Variants in CAMSAP3 observed in about 807,000 individuals in gnomAD.
The protein encoded by CAMSAP3 is calmodulin-regulated spectrin-associated protein 3.
A neutral mutation model predicts 112.5 loss-of-function variants in CAMSAP3; 34 were observed. The observed-to-expected ratio is 0.30, with a 90% confidence interval of 0.23 to 0.40. CAMSAP3 has a LOEUF of 0.40. Among genes scored for constraint, CAMSAP3 ranks in the 10% least tolerant of loss-of-function variants. The probability of loss-of-function intolerance (pLI) is 1.00; values close to 1 mark genes in which losing one functional copy is unlikely to be tolerated. For synonymous variants in CAMSAP3, 868 were observed against 799.8 expected (o/e 1.09, Z -1.44); for missense variants, 1,602 against 1,770.3 (o/e 0.90, Z 1.71).
At chr19:7,599,630 A>C (rs1599339848) in intron 1 of CAMSAP3, among the ~76,000 whole-genome samples, 1 of 28,268 alleles carries the variant, frequency 3.5e-5, no homozygotes, top group Non-Finnish European at 6.6e-5. Context: ...CACCCACCCC[A>C]CTCATCCATC....
chr19:7,597,770 G>T (rs1413333911), intron 1 of CAMSAP3, among the ~76,000 whole-genome samples: 2 of 152,138 alleles, frequency 1.3e-5, no homozygotes, highest in African/African-American at 4.8e-5. Context: ...TTATCCCCTG[G>T]CCAGGAATCA....
intron 2 of CAMSAP3, 133 bp downstream of exon 2, chr19:7,605,612 C>A: frequency 9.5e-7 from 1 of 1,056,952 alleles, no homozygotes; most frequent in Non-Finnish European, 1.3e-6. Context: ...GTCGATTAAG[C>A]CTAGCTCCTC....
intron 14 of CAMSAP3, 87 bp downstream of exon 14, chr19:7,616,709 G>A (rs1482868294): frequency 1.7e-5 from 16 of 946,634 alleles, no homozygotes; most frequent in Non-Finnish European, 2.7e-5. Context: ...TGAACCTAGA[G>A]GGCGGTATGG....
Position 7,615,398 on chromosome 19 carries a change from C to G in CAMSAP3, c.2811-20C>G, listed in dbSNP as rs762768502. 1 of 1,538,482 alleles carries G rather than the reference C, an allele frequency of 6.5e-7. No individual in the cohort carries two copies. The highest frequency in any genetic ancestry group is 1.2e-5 in the South Asian group (1 of 83,380). On this transcript the variant is annotated intron_variant, in intron 12 of 16. Coordinates refer to ENST00000160298, the MANE Select transcript of CAMSAP3 (RefSeq NM_020902.2). This position sits in a 1 kb window ranked among gnomAD's most constrained non-coding sequence, Gnocchi z 6.5. Reference sequence around the variant, plus strand: ...CGGACCCCGTGAGCGGTTCTGATGCCGATTCCCTGTGATCTGCAGGCTGGC... The same window carrying G: ...CGGACCCCGTGAGCGGTTCTGATGCGGATTCCCTGTGATCTGCAGGCTGGC...
rs2030536466 is a variant in CAMSAP3, at chr19:7,612,276, G to A, written c.1783G>A (p.Ala595Thr). ...SPTSTPAPPE[A>T]LSSEMSELSA... ...CACGTCCACTCCGGCCCCGCCGGAG[G>A]CCCTGAGCTCGGAGATGAGTGAGCT... Residue 595 changes from alanine (A) to threonine (T), a missense_variant, in exon 11 of 17, where the codon GCC becomes ACC. Physicochemically the swap from Ala to Thr is moderately conservative, Grantham distance 58 (BLOSUM62 0). Around this residue, in one of 6 missense-constraint regions of CAMSAP3, gnomAD observed 1,100 missense variants for 1,135.7 expected, o/e 0.97. Transcript: ENST00000160298. 1.3e-6 allele frequency: 2 copies of A among 1,598,674 alleles called. No individual in the cohort carries two copies. Among genetic ancestry groups the A allele is most frequent in the Non-Finnish European group, 1.7e-6 (2 of 1,173,206 alleles).
intron 2 of CAMSAP3, among the ~76,000 whole-genome samples, chr19:7,605,971 C>A (rs1009662077): frequency 1.3e-5 from 2 of 152,172 alleles, no homozygotes; most frequent in African/African-American, 2.4e-5. Flanking sequence ...TCCCATCAAA[C>A]CCAGCTCCCC....
Position 7,611,203 on chromosome 19 carries a change from A to ACC in CAMSAP3, c.1123+41_1123+42dup. On this transcript the variant is annotated intron_variant, in intron 9 of 16. Coordinates refer to ENST00000160298, the MANE Select transcript of CAMSAP3 (RefSeq NM_020902.2). This position sits in a 1 kb window ranked among gnomAD's most constrained non-coding sequence, Gnocchi z 6.9. The stretch of plus-strand genomic sequence containing the variant: ...GGGTAGGTGGCTTCTGTCACGGGGG[A>ACC]CCCCCCCACTCACAGACTGCCCCAG... 2 of 1,600,636 alleles carry ACC rather than the reference A, an allele frequency of 1.2e-6. No individual in the cohort carries two copies. The highest frequency in any genetic ancestry group is 1.7e-6 in the Non-Finnish European group (2 of 1,170,290).
At chr19:7,601,403 C>T (rs1218962538) in intron 1 of CAMSAP3, among the ~76,000 whole-genome samples, 1 of 152,126 alleles carries the variant, frequency 6.6e-6, no homozygotes, top group Non-Finnish European at 1.5e-5. Flanking sequence ...ACCACAGCCT[C>T]CGTCTCCTGG....
chr19:7,596,861 G>A (rs569276512), intron 1 of CAMSAP3, among the ~76,000 whole-genome samples: 17 of 152,210 alleles, frequency 1.1e-4, no homozygotes, highest in African/African-American at 4.1e-4. Flanking sequence ...CGCTCCTCCC[G>A]GCTGCGGGGC....
Position 7,615,111 on chromosome 19 carries a change from G to C in CAMSAP3, c.2671-72G>C, listed in dbSNP as rs921829051. The C allele has an allele frequency of 2.0e-6, 3 of 1,533,802 alleles. No individual in the cohort carries two copies. The highest frequency in any genetic ancestry group is 2.6e-6 in the Non-Finnish European group (3 of 1,132,388). On this transcript the variant is annotated intron_variant, in intron 11 of 16. Transcript: ENST00000160298. This position sits in a 1 kb window ranked among gnomAD's most constrained non-coding sequence, Gnocchi z 6.5. ...GCACAGGTGGGTGGCGGGCAGGCTG[G>C]GTGGAGGGAAGATGGGCCTCCAGCC... is the stretch of plus-strand genomic sequence containing the variant.
chr19:7,596,206 TG>T lies in CAMSAP3; in HGVS notation c.148+65del, dbSNP rs539158902. 6.7e-3 allele frequency: 668 copies of T among 100,018 alleles called. 4 individuals carry two copies. Among genetic ancestry groups the T allele is most frequent in the African/African-American group, 0.032 (619 of 19,400 alleles). 6.2% of individuals were successfully genotyped at this position (100,018 alleles called of 1,614,324 possible). A position where few individuals can be genotyped will look rare whatever the true frequency, so the allele number is the denominator to read the frequency against. ...GCGGCGGGCCGGGCGCGGCAGGTGCTGGGGGGGGGCGGGGCGCCGGGCCGGG... is the reference window on the plus strand; with the variant it reads ...GCGGCGGGCCGGGCGCGGCAGGTGCTGGGGGGGGCGGGGCGCCGGGCCGGG... On this transcript the variant is annotated intron_variant, in intron 1 of 16. Coordinates refer to ENST00000160298, the MANE Select transcript of CAMSAP3 (RefSeq NM_020902.2).
intron 2 of CAMSAP3, among the ~76,000 whole-genome samples, chr19:7,605,773 C>T (rs192286076): frequency 3.2e-4 from 48 of 151,844 alleles, no homozygotes; most frequent in African/African-American, 1.2e-3. Context: ...GGCTCCTTCC[C>T]TTAAGCTATG....
chr19:7,610,733 A>G lies in CAMSAP3; in HGVS notation c.934A>G (p.Met312Val). The part of the protein sequence containing the change: ...NLVVMLAELF[M>V]CFEVLKPDFV... Reference sequence around the variant, plus strand: ...GGTGGTGATGCTGGCCGAGTTGTTCATGTGTTTTGAGGTGCTCAAGCCCGA... The same window carrying G: ...GGTGGTGATGCTGGCCGAGTTGTTCGTGTGTTTTGAGGTGCTCAAGCCCGA... Residue 312 changes from methionine to valine, a missense_variant, in exon 7 of 17, where the codon ATG (methionine) becomes GTG (valine). Met to Val is a conservative substitution (Grantham distance 21, BLOSUM62 1). This residue lies in a region of CAMSAP3 where 1,100 missense variants were observed against 1,135.7 expected (regional missense o/e 0.97). Transcript: ENST00000160298. The surrounding 1 kb of genome is among the most constrained non-coding windows in gnomAD (Gnocchi z 4.9). The G allele has an allele frequency of 6.2e-7, 1 of 1,613,680 alleles. No individual in the cohort carries two copies. The highest frequency in any genetic ancestry group is 8.5e-7 in the Non-Finnish European group (1 of 1,179,912).
At chr19:7,606,158 C>CG (rs1555758746) in intron 2 of CAMSAP3, 113 bp from the exon 3 acceptor site, 4 of 611,950 alleles carry the variant, frequency 6.5e-6, no homozygotes, top group Non-Finnish European at 1.1e-5. Flanking sequence ...CAAGCCCCAC[C>CG]CCCCCCGTCA....
At chr19:7,606,716 G>C (rs900826915) in intron 4 of CAMSAP3, 145 bp downstream of exon 4, 20 of 1,609,424 alleles carry the variant, frequency 1.2e-5, no homozygotes, top group Non-Finnish European at 1.6e-5. Context: ...CAATCTCTCT[G>C]TGCCCTGCCC....
intron 2 of CAMSAP3, 122 bp from the exon 3 acceptor site, chr19:7,606,149 A>ACCCCCCCCCCCCC: frequency 7.4e-6 from 1 of 135,318 alleles, no homozygotes; most frequent in Non-Finnish European, 1.4e-5. Context: ...CCGCCCCCTC[A>ACCCCCCCCCCCCC]AGCCCCACCC....
Position 7,608,228 on chromosome 19 carries a change from A to G in CAMSAP3, c.724A>G (p.Ile242Val), listed in dbSNP as rs778200163. ...LASGAALAAT[I>V]HCYCPQLLRL... ...CAGTGGGGCCGCGCTGGCCGCCACC[A>G]TCCACTGCTATTGTCCCCAGCTGCT... The change falls in exon 5 of 17, where the codon ATC (isoleucine) becomes GTC (valine). Residue 242 changes from isoleucine to valine, a missense_variant. This residue lies in a region of CAMSAP3 where 58 missense variants were observed against 108.4 expected (regional missense o/e 0.54). Coordinates refer to ENST00000160298, the MANE Select transcript of CAMSAP3 (RefSeq NM_020902.2). 2.7e-5 allele frequency: 44 copies of G among 1,612,692 alleles called. 1 individual carries two copies. In the Admixed American group the frequency reaches 3.8e-4, roughly 14 times the overall value.
Position 7,615,668 on chromosome 19 carries a change from G to A in CAMSAP3, c.3061G>A (p.Gly1021Ser). ...GCGGAGGGCCACCCGGCCTCGCTCG[G>A]GTTGCTGTGACGACTCAGCCCTGGC... ...GGRRATRPRSGCCDDSALARS... is the reference protein window; with the variant it reads ...GGRRATRPRSSCCDDSALARS... Residue 1021 changes from glycine to serine, a missense_variant, in exon 13 of 17, where the codon GGT (glycine) becomes AGT (serine). Coordinates refer to ENST00000160298, the MANE Select transcript of CAMSAP3 (RefSeq NM_020902.2). The surrounding 1 kb of genome is among the most constrained non-coding windows in gnomAD (Gnocchi z 6.5). 7.0e-7 allele frequency: 1 copy of A among 1,427,914 alleles called. No homozygotes were observed. The highest frequency in any genetic ancestry group is 9.1e-7 in the Non-Finnish European group (1 of 1,096,322). The allele number at this position is 1,427,914 out of a possible 1,614,324, so 88.5% of individuals were successfully genotyped here.
chr19:7,607,782 AC>A lies in CAMSAP3; in HGVS notation c.622-340del, dbSNP rs2030293281. ...GGGCTTGGGGGCCCAGCAGGTCAGC[AC>A]CCCTCCCCCTTGCTGATGGCTGCTC... On this transcript the variant is annotated intron_variant, in intron 4 of 16. Coordinates refer to ENST00000160298, the MANE Select transcript of CAMSAP3 (RefSeq NM_020902.2). The surrounding 1 kb of genome is among the most constrained non-coding windows in gnomAD (Gnocchi z 4.9). 3 of 768,946 alleles carry A rather than the reference AC, an allele frequency of 3.9e-6. No individual in the cohort carries two copies. The East Asian group carries it at 8.5e-5, about 22-fold the overall frequency. The allele number at this position is 768,946 out of a possible 1,614,324, so 47.6% of individuals were successfully genotyped here. A position where few individuals can be genotyped will look rare whatever the true frequency, so the allele number is the denominator to read the frequency against.
Sources: allele counts gnomAD v4.1 joint callset (sites outside exome capture counted in the v4.1 genomes callset), GRCh38; gene constraint gnomAD v4.1.1; regional missense constraint gnomAD v4.1.1; non-coding constraint Gnocchi (gnomAD v3.1); transcripts MANE v1.5; gene names NCBI Gene and HGNC (gene_info 2026-07-23, HGNC 2026-07-21).